ABLIM3: variants seen among roughly 807,000 people sequenced by gnomAD.
ABLIM3 encodes the protein actin binding LIM protein family member 3.
ABLIM3 carries 61 observed loss-of-function variants against 109.5 expected under a neutral mutation model. The observed-to-expected ratio is 0.56, with a 90% CI of 0.45 to 0.69. The LOEUF (loss-of-function observed/expected upper bound fraction) is 0.69, where lower values mean the gene tolerates loss of function less well. Among genes scored for constraint, ABLIM3 ranks in the 30% least tolerant of loss-of-function variants. The pLI is 0.00. For synonymous variants in ABLIM3, 300 were observed against 324.8 expected (o/e 0.92, Z 0.82); for missense variants, 796 against 889.5 (o/e 0.89, Z 1.34).
At chr5:149,248,844 C>G (rs948730449) in intron 18 of ABLIM3, among the ~76,000 whole-genome samples, 1 of 148,354 alleles carries the variant, frequency 6.7e-6, no homozygotes, top group African/African-American at 2.6e-5. Context: ...TCATTGCAAG[C>G]TCCTCCTATT....
intron 2 of ABLIM3, among the ~76,000 whole-genome samples, chr5:149,173,915 G>A (rs898064199): frequency 6.6e-6 from 1 of 151,346 alleles, no homozygotes; most frequent in Non-Finnish European, 1.5e-5. Context: ...CCAGCTACTC[G>A]GGAGGCTGAG....
At chr5:149,195,936 AGC>A (rs1224282155) in intron 3 of ABLIM3, among the ~76,000 whole-genome samples, 1 of 152,236 alleles carries the variant, frequency 6.6e-6, no homozygotes, top group East Asian at 1.9e-4. Context: ...GCGTATAGTA[AGC>A]GCTAAAGGAA....
In ABLIM3 at chr5:149,228,342, T is replaced by C. The variant is rs147098420; in HGVS notation, c.758-2307T>C. ...CAGGGTAAAGACCCAGCCTTAGAATTGCATTTGAGTCCCCTTCCTAGGATA... is the reference window on the plus strand; with the variant it reads ...CAGGGTAAAGACCCAGCCTTAGAATCGCATTTGAGTCCCCTTCCTAGGATA... On this transcript the variant is annotated intron_variant, in intron 8 of 23. Coordinates refer to ENST00000309868, the MANE Select transcript of ABLIM3 (RefSeq NM_014945.5). Among the ~76,000 whole-genome samples the C allele has an allele frequency of 6.6e-5, 10 of 152,314 alleles. No homozygotes were observed. The East Asian group carries it at 1.9e-3, about 29-fold the overall frequency.
At chr5:149,187,973 C>A (rs1388956106) in intron 3 of ABLIM3, among the ~76,000 whole-genome samples, 3 of 152,218 alleles carry the variant, frequency 2.0e-5, no homozygotes, top group African/African-American at 7.2e-5. Context: ...ACCTTTGCTC[C>A]ATCTGTAAGG....
At chr5:149,251,474 C>A in intron 21 of ABLIM3, 55 bp downstream of exon 21, 2 of 1,588,562 alleles carry the variant, frequency 1.3e-6, no homozygotes, top group South Asian at 1.1e-5. Flanking sequence ...ATGTACCACT[C>A]AAAACTGCAG....
chr5:149,197,233 A>C (rs1324706046), intron 3 of ABLIM3, among the ~76,000 whole-genome samples: 1 of 152,056 alleles, frequency 6.6e-6, no homozygotes, highest in Non-Finnish European at 1.5e-5. Context: ...ATTACTTCCC[A>C]CCACTTCCTA....
intron 15 of ABLIM3, chr5:149,244,555 T>C: frequency 3.0e-6 from 1 of 330,864 alleles, no homozygotes; most frequent in Non-Finnish European, 5.8e-6. Context: ...CCCTTAGAGG[T>C]CATTCTGGAA....
At position 149,246,370 on chromosome 5, in the gene ABLIM3, A is replaced by C. The variant is rs543547429; in HGVS notation, c.1487-112A>C. On this transcript the variant is annotated intron_variant, in intron 16 of 23. Transcript: ENST00000309868. ...CTTAAACGAGACTGTTTCCATTGAA[A>C]AATAAGATTAAAAAGAAAGAAAAGT... 19 of 1,043,618 alleles carry C rather than the reference A, an allele frequency of 1.8e-5. No individual in the cohort carries two copies. In the African/African-American group the frequency reaches 2.0e-4, roughly 11 times the overall value. The allele number at this position is 1,043,618 out of a possible 1,614,324, so 64.6% of individuals were successfully genotyped here.
intron 7 of ABLIM3, chr5:149,216,672 A>G: frequency 2.7e-6 from 1 of 371,814 alleles, no homozygotes. Flanking sequence ...TCTGGAAATG[A>G]GGAAGTTGGA....
chr5:149,220,218 C>T (rs180948692), intron 8 of ABLIM3: 3 of 152,352 alleles, frequency 2.0e-5, no homozygotes, highest in Admixed American at 2.0e-4. Context: ...AAGGCCCTGC[C>T]CTCATGGAGC....
chr5:149,242,216 C>CA lies in ABLIM3; in HGVS notation c.1304-274dup, dbSNP rs561508942. On this transcript the variant is annotated intron_variant, in intron 14 of 23. Coordinates refer to ENST00000309868, the MANE Select transcript of ABLIM3 (RefSeq NM_014945.5). Reference sequence around the variant, plus strand: ...CTGAGCACACACACCCCTGTGCCTGCATGCTCACCCTTCAAGCCCCAGGTC... The same window carrying CA: ...CTGAGCACACACACCCCTGTGCCTGCAATGCTCACCCTTCAAGCCCCAGGTC... Among the ~76,000 whole-genome samples the CA allele has an allele frequency of 4.2e-3, 634 of 152,280 alleles. 3 individuals carry two copies. The highest frequency in any genetic ancestry group is 6.5e-3 in the Non-Finnish European group (444 of 68,020).
chr5:149,198,124 A>G lies in ABLIM3; in HGVS notation c.152-95A>G. On this transcript the variant is annotated intron_variant, in intron 3 of 23. Coordinates refer to ENST00000309868, the MANE Select transcript of ABLIM3 (RefSeq NM_014945.5). The surrounding 1 kb of genome is among the most constrained non-coding windows in gnomAD (Gnocchi z 4.2). ...CTACCATTCTGTGGCCACTCATGAC[A>G]CAGTGAGACACCAGCCTTTCCCCCA... is the stretch of plus-strand genomic sequence containing the variant. 1 of 1,250,098 alleles carries G rather than the reference A, an allele frequency of 8.0e-7. No individual in the cohort carries two copies. The allele number at this position is 1,250,098 out of a possible 1,614,324, so 77.4% of individuals were successfully genotyped here.
intron 15 of ABLIM3, 48 bp downstream of exon 15, chr5:149,242,586 G>A: frequency 1.9e-6 from 3 of 1,602,878 alleles, no homozygotes; most frequent in Non-Finnish European, 2.6e-6. Context: ...AGAGGGGGGA[G>A]GTTAACCATC....
chr5:149,201,441 C>T (rs1198765366), intron 5 of ABLIM3, among the ~76,000 whole-genome samples: 1 of 152,158 alleles, frequency 6.6e-6, no homozygotes, highest in African/African-American at 2.4e-5. Flanking sequence ...TGCATCCAGC[C>T]AGAGAGAGTG....
chr5:149,155,549 GT>G (rs1409214829), intron 2 of ABLIM3, among the ~76,000 whole-genome samples: 1 of 152,158 alleles, frequency 6.6e-6, no homozygotes, highest in Non-Finnish European at 1.5e-5. Context: ...GTTGGAGAAG[GT>G]TCCATTCAAT....
rs139897757 is a variant in ABLIM3 at position 149,220,398 on chromosome 5, G to A, written c.757+3352G>A. 1,063 of 152,308 alleles carry A rather than the reference G, an allele frequency of 7.0e-3. 6 individuals carry two copies. Among genetic ancestry groups the A allele is most frequent in the Middle Eastern group, 0.054 (16 of 296 alleles). 9.4% of individuals were successfully genotyped at this position (152,308 alleles called of 1,614,324 possible). ...GAGATATTCTTAGTAATGAAGATGA[G>A]CCTGTCACCTTCTCATTAATTATCC... On this transcript the variant is annotated intron_variant, in intron 8 of 23. Coordinates refer to ENST00000309868, the MANE Select transcript of ABLIM3 (RefSeq NM_014945.5).
intron 2 of ABLIM3, among the ~76,000 whole-genome samples, chr5:149,171,395 TC>T (rs1012572387): frequency 2.0e-5 from 3 of 152,168 alleles, no homozygotes; most frequent in African/African-American, 4.8e-5. Context: ...TCTTATTCTT[TC>T]AAAAATCTTG....
In ABLIM3 at chr5:149,239,284, C is replaced by G; in HGVS notation, c.1074+7C>G. 6.2e-7 allele frequency: 1 copy of G among 1,613,650 alleles called. No homozygotes were observed. The highest frequency in any genetic ancestry group is 8.5e-7 in the Non-Finnish European group (1 of 1,179,598). On this transcript the variant is annotated splice_region_variant and intron_variant, in intron 12 of 23. Transcript: ENST00000309868. Reference sequence around the variant, plus strand: ...ATTATCTCCCTACTCCCAGGTAATTCAGCTGATAGAGAATTAAGTTGATAT... The same window carrying G: ...ATTATCTCCCTACTCCCAGGTAATTGAGCTGATAGAGAATTAAGTTGATAT...
At chr5:149,159,805 A>G (rs957773200) in intron 2 of ABLIM3, among the ~76,000 whole-genome samples, 5 of 152,288 alleles carry the variant, frequency 3.3e-5, no homozygotes, top group African/African-American at 1.2e-4. Flanking sequence ...ATTTTGTGCA[A>G]GCATCTCCCT....
Sources: allele counts gnomAD v4.1 joint callset (sites outside exome capture counted in the v4.1 genomes callset), GRCh38; gene constraint gnomAD v4.1.1; non-coding constraint Gnocchi (gnomAD v3.1); transcripts MANE v1.5; gene names NCBI Gene and HGNC (gene_info 2026-07-23, HGNC 2026-07-21).